The following MDGA2 variants were observed in gnomAD, a reference collection of about 807,000 sequenced individuals.
MDGA2 encodes MAM domain-containing glycosylphosphatidylinositol anchor protein 2.
MDGA2 carries 40 observed loss-of-function variants against 117.8 expected under a neutral mutation model. The ratio of observed to expected loss-of-function variants is 0.34; its 90% confidence interval spans 0.26 to 0.44. The LOEUF (loss-of-function observed/expected upper bound fraction) is 0.44. MDGA2 is among the 20% of genes least tolerant of loss of function. The pLI is 1.00. For synonymous variants in MDGA2, 452 were observed against 439.0 expected (o/e 1.03, Z -0.37); for missense variants, 1,123 against 1,250.6 (o/e 0.90, Z 1.54).
intron 9 of MDGA2, among the ~76,000 whole-genome samples, chr14:46,939,537 C>A (rs2138576471): frequency 6.6e-6 from 1 of 152,238 alleles, no homozygotes; most frequent in East Asian, 1.9e-4. Flanking sequence ...GTTTCTAAAG[C>A]ATTATTTGGA....
At chr14:46,976,816 C>A (rs1473888491) in intron 8 of MDGA2, among the ~76,000 whole-genome samples, 1 of 151,802 alleles carries the variant, frequency 6.6e-6, no homozygotes, top group Non-Finnish European at 1.5e-5. Flanking sequence ...TATAATCTCA[C>A]AGATAGAAAG....
intron 3 of MDGA2, among the ~76,000 whole-genome samples, chr14:47,188,407 G>A (rs1884989684): frequency 6.6e-6 from 1 of 152,154 alleles, no homozygotes; most frequent in African/African-American, 2.4e-5. Context: ...GATATTTCTG[G>A]CAAACAGGCT....
At chr14:47,283,321 G>A (rs1435448374) in intron 2 of MDGA2, among the ~76,000 whole-genome samples, 2 of 152,168 alleles carry the variant, frequency 1.3e-5, no homozygotes, top group African/African-American at 4.8e-5. Context: ...GATTTGGAAA[G>A]GGATAGCATG....
chr14:47,329,066 T>G (rs1178854867), intron 1 of MDGA2, among the ~76,000 whole-genome samples: 1 of 152,158 alleles, frequency 6.6e-6, no homozygotes, highest in Non-Finnish European at 1.5e-5. Flanking sequence ...TAAAACAATG[T>G]GTTTGTTATA....
chr14:47,438,218 A>G (rs920294400), intron 1 of MDGA2, among the ~76,000 whole-genome samples: 5 of 152,170 alleles, frequency 3.3e-5, no homozygotes, highest in African/African-American at 1.2e-4. Flanking sequence ...CTTGAGGTCT[A>G]AAAATAGAAT....
chr14:47,307,964 A>G (rs986292367), intron 1 of MDGA2, among the ~76,000 whole-genome samples: 1 of 152,138 alleles, frequency 6.6e-6, no homozygotes, highest in African/African-American at 2.4e-5. Flanking sequence ...AAAGTCAGAG[A>G]GGTAGAAGGA....
intron 1 of MDGA2, among the ~76,000 whole-genome samples, chr14:47,312,693 G>GTTTTTTTTTTT (rs375332903): frequency 4.8e-5 from 5 of 104,366 alleles, no homozygotes; most frequent in Non-Finnish European, 9.9e-5. Context: ...TTTTTGTTTT[G>GTTTTTTTTTTT]TTTTGTTTTT....
intron 1 of MDGA2, among the ~76,000 whole-genome samples, chr14:47,611,723 T>C (rs1397489422): frequency 1.3e-5 from 2 of 152,124 alleles, no homozygotes; most frequent in African/African-American, 2.4e-5. Flanking sequence ...TCAGTTCTGA[T>C]GTTACGTTTG....
rs1193956772 is a variant in MDGA2 at position 47,100,347 on chromosome 14, C to T, written c.926-3224G>A. Among the ~76,000 whole-genome samples the T allele has an allele frequency of 2.0e-5, 3 of 151,968 alleles. No individual in the cohort carries two copies. The East Asian group carries it at 5.8e-4, about 29-fold the overall frequency. The stretch of plus-strand genomic sequence containing the variant: ...TCCATTACAAGCTTCTTCTTCTGCA[C>T]TTATATGGGTATATAAGACATGAAG... On this transcript the variant is annotated intron_variant, in intron 5 of 16. Coordinates refer to ENST00000399232, the MANE Select transcript of MDGA2 (RefSeq NM_001113498.3).
chr14:47,434,253 C>A (rs975204728), intron 1 of MDGA2, among the ~76,000 whole-genome samples: 7 of 152,050 alleles, frequency 4.6e-5, no homozygotes, highest in African/African-American at 1.7e-4. Flanking sequence ...TTCAATAATA[C>A]TCAGATACAG....
At chr14:47,654,512 T>C (rs577036547) in intron 1 of MDGA2, among the ~76,000 whole-genome samples, 4 of 152,146 alleles carry the variant, frequency 2.6e-5, no homozygotes, top group South Asian at 2.1e-4. Context: ...ACAGGGACAA[T>C]AGCTCAAAAG....
chr14:47,244,669 T>C lies in MDGA2; in HGVS notation c.421-26474A>G, dbSNP rs563048765. 3.2e-4 allele frequency among the ~76,000 whole-genome samples: 49 copies of C among 152,000 alleles called. 1 individual carries two copies. The South Asian group carries it at 6.9e-3, about 21-fold the overall frequency. The stretch of plus-strand genomic sequence containing the variant: ...CCTTTATGGCAAACATATTGTTGTC[T>C]AGGTTATAGTACACAGACCAGCTGG... On this transcript the variant is annotated intron_variant, in intron 2 of 16. Transcript: ENST00000399232.
chr14:46,910,914 G>A (rs563106784), intron 10 of MDGA2, among the ~76,000 whole-genome samples: 13 of 152,266 alleles, frequency 8.5e-5, no homozygotes, highest in Non-Finnish European at 1.6e-4. Flanking sequence ...AATACAGCAT[G>A]TTCTCAGTTA....
intron 3 of MDGA2, among the ~76,000 whole-genome samples, chr14:47,195,883 CA>C (rs1276170034): frequency 6.6e-6 from 1 of 151,916 alleles, no homozygotes; most frequent in Non-Finnish European, 1.5e-5. Flanking sequence ...AAAACTGACA[CA>C]AAGAGAAAAT....
chr14:47,580,638 A>C (rs192185222), intron 1 of MDGA2, among the ~76,000 whole-genome samples: 13 of 152,070 alleles, frequency 8.5e-5, no homozygotes, highest in Admixed American at 7.9e-4. Flanking sequence ...AGGAGACTAC[A>C]TGGAGTCTCT....
intron 1 of MDGA2, among the ~76,000 whole-genome samples, chr14:47,370,479 TTTTTTTTTTTTTTTTTTTTG>T (rs1891325495): frequency 1.7e-5 from 1 of 60,274 alleles, no homozygotes; most frequent in African/African-American, 8.0e-5. Flanking sequence ...TTTTTTTTTT[TTTTTTTTTTTTTTTTTTTTG>T]TGTGTGTGTG....
At chr14:47,600,694 A>G (rs189391972) in intron 1 of MDGA2, among the ~76,000 whole-genome samples, 4,609 of 150,510 alleles carry the variant, frequency 0.031, 240 homozygotes, top group African/African-American at 0.11. Flanking sequence ...GGTAAACTAC[A>G]CGAGTTGTGT....
intron 8 of MDGA2, among the ~76,000 whole-genome samples, chr14:46,995,546 T>C (rs1195322260): frequency 6.6e-6 from 1 of 152,172 alleles, no homozygotes; most frequent in Non-Finnish European, 1.5e-5. Flanking sequence ...AACTATTTCA[T>C]AACCATTGCT....
At chr14:47,515,216 GC>G (rs1420147083) in intron 1 of MDGA2, among the ~76,000 whole-genome samples, 1 of 152,112 alleles carries the variant, frequency 6.6e-6, no homozygotes, top group Non-Finnish European at 1.5e-5. Context: ...TGGATGAGGG[GC>G]TGGCTAGTTG....
Sources: gnomAD v4.1 joint callset for allele counts (sites outside exome capture counted in the v4.1 genomes callset) on GRCh38, gnomAD v4.1.1 for gene constraint, MANE v1.5 for transcripts, NCBI Gene and HGNC (gene_info 2026-07-23, HGNC 2026-07-21) for gene names.